Variants in PREP observed in about 807,000 individuals in gnomAD.
PREP encodes the protein dJ355L5.1 (prolyl endopeptidase).
In PREP, 29 loss-of-function variants were observed where a neutral mutation model predicts 87.6. The ratio of observed to expected loss-of-function variants is 0.33; its 90% confidence interval spans 0.25 to 0.45. The LOEUF is 0.45. PREP is among the 20% of genes least tolerant of loss of function. The probability of loss-of-function intolerance (pLI) is 1.00; values close to 1 mark genes in which losing one functional copy is unlikely to be tolerated. For synonymous variants in PREP, 337 were observed against 328.6 expected, an observed-to-expected ratio of 1.03 and a Z score of -0.28; for missense variants, 695 against 886.5, an observed-to-expected ratio of 0.78 and a Z score of 2.74.
Position 105,277,206 on chromosome 6 carries a change from TC to T in PREP, c.*937del, listed in dbSNP as rs768512675. Among the ~76,000 whole-genome samples, 10 of 149,564 alleles carry T rather than the reference TC, an allele frequency of 6.7e-5. No homozygotes were observed. Among genetic ancestry groups the T allele is most frequent in the Non-Finnish European group, 1.3e-4 (9 of 67,954 alleles). The stretch of plus-strand genomic sequence containing the variant: ...GTAAGTAAGTATGACTATTTCTATT[TC>T]CAGGAGTGATCTATGCAGGAGAAAC... On this transcript the variant is annotated 3_prime_UTR_variant, in exon 15 of 15. Coordinates refer to ENST00000652536, the MANE Select transcript of PREP (RefSeq NM_002726.5).
chr6:105,369,797 C>T (rs956941907), intron 5 of PREP, among the ~76,000 whole-genome samples: 1 of 151,932 alleles, frequency 6.6e-6, no homozygotes, highest in Non-Finnish European at 1.5e-5. Flanking sequence ...ATACAAAGAA[C>T]TCAGCAATAA....
chr6:105,334,083 T>A (rs537662008), intron 7 of PREP, among the ~76,000 whole-genome samples: 2 of 152,230 alleles, frequency 1.3e-5, no homozygotes, highest in Admixed American at 1.3e-4. Flanking sequence ...TCTTGGTCTA[T>A]AGCATTAGCT....
intron 7 of PREP, among the ~76,000 whole-genome samples, chr6:105,350,741 G>T (rs895973276): frequency 1.3e-5 from 2 of 152,180 alleles, no homozygotes; most frequent in Admixed American, 1.3e-4. Flanking sequence ...AACTGCAATT[G>T]TTGAGAACTT....
At chr6:105,397,185 CAAA>C (rs67107334) in intron 2 of PREP, among the ~76,000 whole-genome samples, 3 of 86,842 alleles carry the variant, frequency 3.5e-5, no homozygotes. Flanking sequence ...ACTCTGTCTA[CAAA>C]AAAAAAAAAA....
chr6:105,338,849 C>T (rs148449034), intron 7 of PREP, among the ~76,000 whole-genome samples: 9 of 152,330 alleles, frequency 5.9e-5, no homozygotes, highest in East Asian at 1.9e-4. Flanking sequence ...AAGGGGCATC[C>T]GCCATGGCTG....
At chr6:105,298,244 A>G (rs1251472048) in intron 10 of PREP, 1 of 152,290 alleles carries the variant, frequency 6.6e-6, no homozygotes, top group Non-Finnish European at 1.5e-5. Flanking sequence ...TCTGGCCCCA[A>G]GAGACCTCAC....
intron 7 of PREP, among the ~76,000 whole-genome samples, chr6:105,337,066 T>C (rs1771502326): frequency 6.6e-6 from 1 of 152,212 alleles, no homozygotes; most frequent in Non-Finnish European, 1.5e-5. Flanking sequence ...TCCAAGCTTC[T>C]TGTTTATTGT....
chr6:105,278,379 A>G lies in PREP; in HGVS notation c.1898T>C (p.Met633Thr). 1 of 1,614,220 alleles carries G rather than the reference A, an allele frequency of 6.2e-7. No individual in the cohort carries two copies. The highest frequency in any genetic ancestry group is 8.5e-7 in the Non-Finnish European group (1 of 1,180,010). Residue 633 changes from methionine (M) to threonine (T), a missense_variant, in exon 15 of 15, where the codon ATG becomes ACG. By Grantham distance (81) the Met-to-Thr change is moderately conservative. This residue lies in a region of PREP where 121 missense variants were observed against 154.8 expected (regional missense o/e 0.78). Coordinates refer to ENST00000652536, the MANE Select transcript of PREP (RefSeq NM_002726.5). The surrounding 1 kb of genome is among the most constrained non-coding windows in gnomAD (Gnocchi z 4.2). ...PEADDIQYPS[M>T]LLLTADHDDR... is the part of the protein sequence containing the mutation. ...ATCATGGTCAGCAGTGAGGAGCAGC[A>G]TGGACGGGTACTGGATGTCATCTGC...
chr6:105,376,330 A>AT lies in PREP; in HGVS notation c.255-76_255-75insA, dbSNP rs544798061. On this transcript the variant is annotated intron_variant, in intron 3 of 14. Coordinates refer to ENST00000652536, the MANE Select transcript of PREP (RefSeq NM_002726.5). The stretch of plus-strand genomic sequence containing the variant: ...GAGTAAAACCAAACACACACAAGCA[A>AT]AAACCAAAACAAAACCAAAGACCTA... 2.3e-4 allele frequency: 346 copies of AT among 1,518,016 alleles called. 1 individual carries two copies. The African/African-American group carries it at 4.4e-3, about 19-fold the overall frequency. 94.0% of individuals were successfully genotyped at this position (1,518,016 alleles called of 1,614,324 possible).
intron 10 of PREP, among the ~76,000 whole-genome samples, chr6:105,294,018 T>A (rs920305781): frequency 6.6e-6 from 1 of 152,012 alleles, no homozygotes; most frequent in Admixed American, 6.6e-5. Flanking sequence ...GCTTTGGGAG[T>A]GTTTCCTTTC....
intron 6 of PREP, among the ~76,000 whole-genome samples, chr6:105,368,546 T>C (rs1406249898): frequency 6.6e-6 from 1 of 152,142 alleles, no homozygotes; most frequent in Non-Finnish European, 1.5e-5. Context: ...CTCTCACTTG[T>C]ATGTACAAAG....
intron 10 of PREP, among the ~76,000 whole-genome samples, chr6:105,300,768 T>G (rs905980634): frequency 6.6e-6 from 1 of 152,166 alleles, no homozygotes; most frequent in Non-Finnish European, 1.5e-5. Flanking sequence ...AAGCATGTTT[T>G]AGCACAAGAG....
chr6:105,331,650 G>T (rs888581987), intron 8 of PREP, among the ~76,000 whole-genome samples: 2 of 152,150 alleles, frequency 1.3e-5, no homozygotes, highest in African/African-American at 4.8e-5. Context: ...ACCCTTAGGG[G>T]GACATCCCTG....
intron 6 of PREP, among the ~76,000 whole-genome samples, chr6:105,360,798 T>C (rs766045480): frequency 7.9e-5 from 12 of 152,176 alleles, no homozygotes; most frequent in Non-Finnish European, 1.6e-4. Context: ...CCCAAATAAA[T>C]GTTTTTACAA....
At chr6:105,309,441 C>T (rs113322962) in intron 10 of PREP, among the ~76,000 whole-genome samples, 95 of 152,202 alleles carry the variant, frequency 6.2e-4, no homozygotes, top group African/African-American at 2.2e-3. Flanking sequence ...ACTCTGCCAC[C>T]CGGGTTCAAG....
intron 7 of PREP, among the ~76,000 whole-genome samples, chr6:105,349,451 A>G (rs1771884114): frequency 6.6e-6 from 1 of 152,272 alleles, no homozygotes; most frequent in South Asian, 2.1e-4. Context: ...GTGCTTTTTA[A>G]AAAGATATTA....
chr6:105,342,738 A>AATAG (rs763854827), intron 7 of PREP, among the ~76,000 whole-genome samples: 2 of 144,576 alleles, frequency 1.4e-5, no homozygotes, highest in East Asian at 2.0e-4. Flanking sequence ...ATACACCAAT[A>AATAG]ACAGACAGAG....
chr6:105,328,530 G>A lies in PREP; in HGVS notation c.1213+299C>T, dbSNP rs1771233033. Among the ~76,000 whole-genome samples the A allele has an allele frequency of 2.0e-5, 3 of 152,278 alleles. No individual in the cohort carries two copies. In the South Asian group the frequency reaches 6.2e-4, roughly 32 times the overall value. On this transcript the variant is annotated intron_variant, in intron 9 of 14. Coordinates refer to ENST00000652536, the MANE Select transcript of PREP (RefSeq NM_002726.5). ...CTCCCAAAGTGCTGGGATTACAGGA[G>A]TGAGACACTGTGCCTGGCCCATTGG...
intron 2 of PREP, among the ~76,000 whole-genome samples, chr6:105,382,128 G>C (rs761547884): frequency 2.0e-5 from 3 of 151,990 alleles, no homozygotes; most frequent in Non-Finnish European, 4.4e-5. Flanking sequence ...CAGTAAAATG[G>C]TGTTTACCAG....
Sources: gnomAD v4.1 joint callset for allele counts (sites outside exome capture counted in the v4.1 genomes callset) on GRCh38, gnomAD v4.1.1 for gene constraint, gnomAD v4.1.1 regional missense constraint, Gnocchi (gnomAD v3.1) non-coding constraint, MANE v1.5 for transcripts, NCBI Gene and HGNC (gene_info 2026-07-23, HGNC 2026-07-21) for gene names.